LCP2: variants seen among roughly 807,000 people sequenced by gnomAD.
The protein encoded by LCP2 is 76 kDa tyrosine phosphoprotein.
Under a neutral mutation model 74.5 loss-of-function variants are expected in LCP2, and 29 were observed. The observed-to-expected ratio is 0.39, with a 90% CI of 0.29 to 0.53. LCP2 has a LOEUF of 0.53. Ranked by LOEUF, LCP2 falls within the 20% of genes least tolerant of loss-of-function variation. The probability of loss-of-function intolerance (pLI) is 0.72; values close to 1 mark genes in which losing one functional copy is unlikely to be tolerated. For missense variants in LCP2, 604 were observed against 634.6 expected, an observed-to-expected ratio of 0.95 and a Z score of 0.52; for synonymous variants, 228 against 229.5, an observed-to-expected ratio of 0.99 and a Z score of 0.06.
chr5:170,281,318 C>T (rs968746286), intron 3 of LCP2, among the ~76,000 whole-genome samples: 4 of 151,582 alleles, frequency 2.6e-5, no homozygotes, highest in South Asian at 2.1e-4. Context: ...CTTGCTCTGT[C>T]CCCCAGGCTG....
chr5:170,254,520 A>G (rs1761515093), intron 17 of LCP2, among the ~76,000 whole-genome samples: 1 of 152,162 alleles, frequency 6.6e-6, no homozygotes, highest in Admixed American at 6.5e-5. Context: ...CCCTGTTTCT[A>G]AACAAGCTGG....
chr5:170,294,158 A>G (rs1369701242), intron 1 of LCP2, among the ~76,000 whole-genome samples: 1 of 152,238 alleles, frequency 6.6e-6, no homozygotes, highest in Non-Finnish European at 1.5e-5. Context: ...TTTCAGAAAT[A>G]TTCCCCTTTT....
chr5:170,265,517 T>A (rs1171461582), intron 10 of LCP2, among the ~76,000 whole-genome samples: 1 of 152,236 alleles, frequency 6.6e-6, no homozygotes, highest in Non-Finnish European at 1.5e-5. Context: ...AAGGATTTGA[T>A]GTCAGTGTTC....
At chr5:170,266,686 T>TG in intron 10 of LCP2, 122 bp downstream of exon 10, 2 of 837,326 alleles carry the variant, frequency 2.4e-6, no homozygotes, top group Non-Finnish European at 4.1e-6. Context: ...ATGATTCTAC[T>TG]AGTCTCCACT....
chr5:170,289,456 A>G (rs1469334096), intron 2 of LCP2, among the ~76,000 whole-genome samples: 5 of 152,184 alleles, frequency 3.3e-5, no homozygotes, highest in Admixed American at 6.5e-5. Context: ...CACTGGATCC[A>G]TCTGATCCAG....
chr5:170,272,815 T>C (rs12517015), intron 6 of LCP2, among the ~76,000 whole-genome samples: 30,179 of 151,422 alleles, frequency 0.2, 4,157 homozygotes, highest in East Asian at 0.39. Flanking sequence ...GGTTTCACCA[T>C]GTTGACCAGG....
intron 3 of LCP2, among the ~76,000 whole-genome samples, chr5:170,280,338 C>T (rs1354777132): frequency 6.6e-6 from 1 of 152,088 alleles, no homozygotes; most frequent in East Asian, 1.9e-4. Flanking sequence ...CCCCACCCCT[C>T]CTCCCTGCAC....
chr5:170,291,442 T>G (rs375830061), intron 2 of LCP2, among the ~76,000 whole-genome samples: 61 of 152,286 alleles, frequency 4.0e-4, no homozygotes, highest in South Asian at 3.3e-3. Flanking sequence ...AGGCACTGGA[T>G]TCTTCTTCTT....
At chr5:170,254,057 C>G (rs1394669910) in intron 17 of LCP2, among the ~76,000 whole-genome samples, 1 of 152,118 alleles carries the variant, frequency 6.6e-6, no homozygotes, top group Non-Finnish European at 1.5e-5. Flanking sequence ...ATACCTTCAA[C>G]AAATATTTAT....
chr5:170,285,458 G>C (rs554997114), intron 3 of LCP2, among the ~76,000 whole-genome samples: 2 of 152,314 alleles, frequency 1.3e-5, no homozygotes, highest in African/African-American at 2.4e-5. Flanking sequence ...TTGTTGGGTA[G>C]TGAATATTTT....
In LCP2 at chr5:170,296,265, GCA is replaced by G. The variant is rs747953577; in HGVS notation, c.78+1267_78+1268del. On this transcript the variant is annotated intron_variant, in intron 1 of 20. Transcript: ENST00000046794. ...TGAAATCTAAGTTTATTATGACCTT[GCA>G]GAAGGAAAATAACAGAAATGAAAGC... 2.9e-4 allele frequency among the ~76,000 whole-genome samples: 44 copies of G among 152,274 alleles called. 2 individuals are homozygous for G. The highest frequency in any genetic ancestry group is 3.4e-3 in the Middle Eastern group (1 of 294).
rs1240747017 is a variant in LCP2 at position 170,247,050 on chromosome 5, A to G, written c.*1647T>C. 1 of 152,176 alleles carries G rather than the reference A, an allele frequency of 6.6e-6. No homozygotes were observed. 9.4% of individuals were successfully genotyped at this position (152,176 alleles called of 1,614,324 possible). A position where few individuals can be genotyped will look rare whatever the true frequency, so the allele number is the denominator to read the frequency against. ...ATCTATCAGGTCCTTCATTTTAGAT[A>G]TTTTTGAATTGTAAAGATAGAATAC... On this transcript the variant is annotated 3_prime_UTR_variant, in exon 21 of 21. Coordinates refer to ENST00000046794, the MANE Select transcript of LCP2 (RefSeq NM_005565.5).
intron 3 of LCP2, among the ~76,000 whole-genome samples, chr5:170,278,350 G>C (rs1290031504): frequency 2.0e-5 from 1 of 51,240 alleles, no homozygotes; most frequent in African/African-American, 8.7e-5. Flanking sequence ...TGCAGGGGGG[G>C]GCTGGGGGGG....
intron 6 of LCP2, among the ~76,000 whole-genome samples, chr5:170,272,733 C>A (rs529570582): frequency 6.7e-6 from 1 of 149,378 alleles, no homozygotes. Context: ...CTGCCTCAGC[C>A]GCCCAAGTAG....
intron 3 of LCP2, among the ~76,000 whole-genome samples, chr5:170,286,776 C>T (rs763039537): frequency 1.1e-4 from 16 of 152,128 alleles, no homozygotes; most frequent in Non-Finnish European, 1.0e-4. Context: ...AATTGAGCTG[C>T]CAGCATTCCT....
chr5:170,294,430 T>G (rs1762337523), intron 1 of LCP2, among the ~76,000 whole-genome samples: 2 of 152,232 alleles, frequency 1.3e-5, no homozygotes, highest in Non-Finnish European at 2.9e-5. Context: ...TTTCAACTTG[T>G]CCTCAACAGC....
intron 1 of LCP2, among the ~76,000 whole-genome samples, chr5:170,296,863 G>C (rs1341539312): frequency 6.6e-6 from 1 of 152,158 alleles, no homozygotes; most frequent in Non-Finnish European, 1.5e-5. Context: ...TCAGTTTTCT[G>C]TCCTGCTTCA....
chr5:170,270,626 A>G (rs1761880534), intron 7 of LCP2, 93 bp downstream of exon 7: 1 of 1,171,148 alleles, frequency 8.5e-7, no homozygotes, highest in Middle Eastern at 3.0e-4. Context: ...GCTTTCTGCT[A>G]CATGGGCAAG....
At chr5:170,290,816 C>T (rs1330450797) in intron 2 of LCP2, among the ~76,000 whole-genome samples, 1 of 152,018 alleles carries the variant, frequency 6.6e-6, no homozygotes, top group Admixed American at 6.5e-5. Context: ...TGACACAAGT[C>T]TCAAGCTCCT....
Sources: gnomAD v4.1 joint callset for allele counts (sites outside exome capture counted in the v4.1 genomes callset) on GRCh38, gnomAD v4.1.1 for gene constraint, MANE v1.5 for transcripts, NCBI Gene and HGNC (gene_info 2026-07-23, HGNC 2026-07-21) for gene names.